KSR2: variants seen among roughly 807,000 people sequenced by gnomAD.
The protein encoded by KSR2 is kinase suppressor of ras 2.
KSR2 carries 25 observed loss-of-function variants against 107.8 expected under a neutral mutation model. The ratio of observed to expected loss-of-function variants is 0.23; its 90% confidence interval spans 0.17 to 0.32. KSR2 has a LOEUF of 0.32. Ranked by LOEUF, KSR2 falls within the 10% of genes least tolerant of loss-of-function variation. The probability of loss-of-function intolerance (pLI) is 1.00; values close to 1 mark genes in which losing one functional copy is unlikely to be tolerated. For synonymous variants in KSR2, 480 were observed against 507.0 expected, an observed-to-expected ratio of 0.95 and a Z score of 0.71; for missense variants, 887 against 1,268.9, an observed-to-expected ratio of 0.70 and a Z score of 4.57.
chr12:117,616,531 C>G (rs1881899617), intron 5 of KSR2, among the ~76,000 whole-genome samples: 1 of 152,132 alleles, frequency 6.6e-6, no homozygotes, highest in Non-Finnish European at 1.5e-5. Flanking sequence ...CAGCCTTGCC[C>G]AAAATCACTC....
chr12:117,731,893 A>G (rs986060672), intron 4 of KSR2, among the ~76,000 whole-genome samples: 13 of 142,110 alleles, frequency 9.1e-5, no homozygotes, highest in Non-Finnish European at 1.4e-4. Flanking sequence ...GGACACAAAC[A>G]CTGCGGAAGG....
At position 117,531,224 on chromosome 12, in the gene KSR2, T is replaced by C. The variant is rs1268043598; in HGVS notation, c.1730-211A>G. Among the ~76,000 whole-genome samples, 21 of 152,270 alleles carry C rather than the reference T, an allele frequency of 1.4e-4. No individual in the cohort carries two copies. In the East Asian group the frequency reaches 3.5e-3, roughly 25 times the overall value. Reference sequence around the variant, plus strand: ...ATGACATCCTCAACAAAATTCCTCATTGTTGAATAGGGGGCTGCCAGAACC... The same window carrying C: ...ATGACATCCTCAACAAAATTCCTCACTGTTGAATAGGGGGCTGCCAGAACC... On this transcript the variant is annotated intron_variant, in intron 11 of 19. Transcript: ENST00000339824.
intron 10 of KSR2, among the ~76,000 whole-genome samples, chr12:117,533,901 G>A (rs1158063501): frequency 3.3e-5 from 5 of 152,138 alleles, no homozygotes; most frequent in Non-Finnish European, 4.4e-5. Context: ...GGAACAACTC[G>A]TTCCTGGTGA....
intron 5 of KSR2, among the ~76,000 whole-genome samples, chr12:117,603,744 G>A (rs1274645619): frequency 6.6e-6 from 1 of 151,984 alleles, no homozygotes; most frequent in East Asian, 1.9e-4. Context: ...CTTGACCAAG[G>A]GGACCCCCCA....
chr12:117,641,962 C>T (rs1883382982), intron 5 of KSR2, among the ~76,000 whole-genome samples: 1 of 152,210 alleles, frequency 6.6e-6, no homozygotes, highest in Non-Finnish European at 1.5e-5. Context: ...GTTCCTGAAA[C>T]CTGCCAAGCT....
intron 1 of KSR2, among the ~76,000 whole-genome samples, chr12:117,913,552 G>T (rs1231228201): frequency 6.6e-6 from 1 of 152,134 alleles, no homozygotes; most frequent in Non-Finnish European, 1.5e-5. Flanking sequence ...TCCAATGAAG[G>T]CATCCTTGTA....
intron 1 of KSR2, among the ~76,000 whole-genome samples, chr12:117,878,937 G>A (rs934843876): frequency 3.3e-5 from 5 of 151,818 alleles, no homozygotes; most frequent in Admixed American, 2.0e-4. Flanking sequence ...ACAAACAAAG[G>A]CCATAGACGC....
intron 14 of KSR2, 80 bp from the exon 15 acceptor site, chr12:117,485,771 A>G: frequency 1.1e-6 from 1 of 950,798 alleles, no homozygotes; most frequent in Non-Finnish European, 1.7e-6. Flanking sequence ...CAAGTGACAA[A>G]TGATGGCATA....
intron 3 of KSR2, among the ~76,000 whole-genome samples, chr12:117,779,196 T>TGTGTAAAC (rs557515864): frequency 2.2e-4 from 33 of 152,338 alleles, no homozygotes; most frequent in Admixed American, 2.2e-3. Flanking sequence ...AGAAAGGTGC[T>TGTGTAAAC]GTGTAAACGT....
At chr12:117,724,574 A>G (rs911731858) in intron 4 of KSR2, among the ~76,000 whole-genome samples, 1 of 151,388 alleles carries the variant, frequency 6.6e-6, no homozygotes. Flanking sequence ...CAGCAAAAAA[A>G]CCTGCCCCCC....
intron 4 of KSR2, among the ~76,000 whole-genome samples, chr12:117,696,967 T>C (rs7136672): frequency 0.15 from 22,275 of 152,150 alleles, 1,957 homozygotes; most frequent in African/African-American, 0.24. Flanking sequence ...ATGACATAAT[T>C]TGTGCACTGG....
intron 1 of KSR2, among the ~76,000 whole-genome samples, chr12:117,908,125 T>G (rs1894910287): frequency 6.6e-6 from 1 of 152,162 alleles, no homozygotes; most frequent in Non-Finnish European, 1.5e-5. Context: ...GAAATGAAAA[T>G]GATTTATATA....
chr12:117,467,924 T>C, intron 19 of KSR2: 1 of 126,472 alleles, frequency 7.9e-6, no homozygotes, highest in Non-Finnish European at 1.5e-5. Flanking sequence ...CCTGTGTTTT[T>C]TTTTTTTTTT....
intron 3 of KSR2, among the ~76,000 whole-genome samples, chr12:117,769,382 T>C (rs941984277): frequency 6.6e-6 from 1 of 152,180 alleles, no homozygotes; most frequent in African/African-American, 2.4e-5. Flanking sequence ...TGTCACTCAC[T>C]GACTAACTCC....
intron 1 of KSR2, among the ~76,000 whole-genome samples, chr12:117,906,148 C>T (rs903434709): frequency 2.6e-5 from 4 of 151,918 alleles, no homozygotes; most frequent in Non-Finnish European, 5.9e-5. Flanking sequence ...GTCAGGAGTT[C>T]GAGCCCAGCC....
intron 3 of KSR2, among the ~76,000 whole-genome samples, chr12:117,771,170 G>C (rs1268597264): frequency 2.0e-5 from 3 of 152,174 alleles, no homozygotes; most frequent in African/African-American, 4.8e-5. Context: ...GAAAAGTCAA[G>C]CTGGGAACTG....
chr12:117,845,964 A>G (rs2137182822), intron 3 of KSR2, among the ~76,000 whole-genome samples: 1 of 151,672 alleles, frequency 6.6e-6, no homozygotes, highest in South Asian at 2.1e-4. Context: ...TGCTAGGATT[A>G]CAGGCGTGAA....
chr12:117,630,091 C>A (rs761962921), intron 5 of KSR2, among the ~76,000 whole-genome samples: 1 of 152,178 alleles, frequency 6.6e-6, no homozygotes, highest in Non-Finnish European at 1.5e-5. Flanking sequence ...TTCCTTCCCC[C>A]GCAGAGGAAG....
At chr12:117,688,081 T>TA (rs1244654942) in intron 4 of KSR2, among the ~76,000 whole-genome samples, 1 of 118,406 alleles carries the variant, frequency 8.4e-6, no homozygotes, top group Admixed American at 8.7e-5. Context: ...GAATTCCCTT[T>TA]TAAAAAAAAG....
Sources: allele counts gnomAD v4.1 joint callset (sites outside exome capture counted in the v4.1 genomes callset), GRCh38; gene constraint gnomAD v4.1.1; transcripts MANE v1.5; gene names NCBI Gene and HGNC (gene_info 2026-07-23, HGNC 2026-07-21).